The following PCDH7 variants were observed in gnomAD, a reference collection of about 807,000 sequenced individuals.
PCDH7 encodes protocadherin 7, also known as protocadherin-7.
In PCDH7, 17 loss-of-function variants were observed where a neutral mutation model predicts 58.9. That is an observed-to-expected ratio of 0.29 (90% CI 0.20 to 0.43). The LOEUF (loss-of-function observed/expected upper bound fraction) is 0.43. Ranked by LOEUF, PCDH7 falls within the 20% of genes least tolerant of loss-of-function variation. The pLI, the probability that PCDH7 is intolerant of heterozygous loss-of-function variation, is 1.00. For missense variants in PCDH7, 1,274 were observed against 1,441.0 expected, an observed-to-expected ratio of 0.88 and a Z score of 1.88; for synonymous variants, 664 against 616.4, an observed-to-expected ratio of 1.08 and a Z score of -1.14.
At chr4:31,142,920 G>T (rs1720432218) in exon 4 of PCDH7, 2 of 1,166,858 alleles carry the variant, frequency 1.7e-6, no homozygotes, top group Non-Finnish European at 2.2e-6. Flanking sequence ...ACCTTACAAA[G>T]CAAAACGTTT....
At chr4:30,993,870 A>G (rs1751655858) in intron 3 of PCDH7, among the ~76,000 whole-genome samples, 1 of 152,172 alleles carries the variant, frequency 6.6e-6, no homozygotes, top group African/African-American at 2.4e-5. Context: ...AAATGTTTAG[A>G]AGAGAGAGTG....
chr4:30,977,040 A>C (rs1578469588), intron 3 of PCDH7, among the ~76,000 whole-genome samples: 2 of 152,164 alleles, frequency 1.3e-5, no homozygotes, highest in African/African-American at 2.4e-5. Context: ...TAATACATGG[A>C]TGTATTTTAA....
At chr4:31,091,050 T>C (rs1443149601) in intron 3 of PCDH7, among the ~76,000 whole-genome samples, 1 of 152,054 alleles carries the variant, frequency 6.6e-6, no homozygotes, top group East Asian at 1.9e-4. Flanking sequence ...ATTTTCAACA[T>C]TCATTTCTAG....
intron 3 of PCDH7, among the ~76,000 whole-genome samples, chr4:31,102,130 G>T (rs1247808872): frequency 6.6e-6 from 1 of 151,766 alleles, no homozygotes; most frequent in Non-Finnish European, 1.5e-5. Context: ...TACTGTAAAT[G>T]AAAACTAGTA....
chr4:31,102,082 T>C (rs1320946565), intron 3 of PCDH7, among the ~76,000 whole-genome samples: 1 of 152,220 alleles, frequency 6.6e-6, no homozygotes, highest in Non-Finnish European at 1.5e-5. Context: ...GAATAAGATA[T>C]GCAGAATTCT....
Position 30,923,812 on chromosome 4 carries a change from T to C in PCDH7, c.287+3443T>C, listed in dbSNP as rs374149437. Among the ~76,000 whole-genome samples, 18 of 152,298 alleles carry C rather than the reference T, an allele frequency of 1.2e-4. No individual in the cohort carries two copies. The East Asian group carries it at 3.1e-3, about 26-fold the overall frequency. Reference sequence around the variant, plus strand: ...TTTCATGCTAATCTTTTAATATCAATCTAATCAAAGATTGAGGAAATTGGT... The same window carrying C: ...TTTCATGCTAATCTTTTAATATCAACCTAATCAAAGATTGAGGAAATTGGT... On this transcript the variant is annotated intron_variant, in intron 2 of 3. Coordinates refer to the PCDH7 transcript ENST00000509759.
chr4:31,026,225 A>T (rs957196775), intron 3 of PCDH7, among the ~76,000 whole-genome samples: 3 of 152,136 alleles, frequency 2.0e-5, no homozygotes, highest in Non-Finnish European at 4.4e-5. Context: ...AGTTCCTTCC[A>T]ATTTTAGACA....
chr4:30,783,113 C>G (rs1480702926), intron 1 of PCDH7: 2 of 152,134 alleles, frequency 1.3e-5, no homozygotes, highest in Non-Finnish European at 2.9e-5. Context: ...AATTGTCTTT[C>G]TCATAGTCCT....
At chr4:30,802,734 G>C (rs1725685963) in intron 1 of PCDH7, among the ~76,000 whole-genome samples, 1 of 152,094 alleles carries the variant, frequency 6.6e-6, no homozygotes, top group African/African-American at 2.4e-5. Flanking sequence ...GTGGGGATCT[G>C]AGGAGGGTGT....
chr4:31,123,018 A>C, intron 3 of PCDH7, among the ~76,000 whole-genome samples: 1 of 152,122 alleles, frequency 6.6e-6, no homozygotes, highest in East Asian at 1.9e-4. Flanking sequence ...ATTATTTTAT[A>C]ATTATTTTTC....
intron 3 of PCDH7, among the ~76,000 whole-genome samples, chr4:31,110,065 G>C (rs1307256090): frequency 1.3e-5 from 2 of 152,136 alleles, no homozygotes. Flanking sequence ...AGCATTTATG[G>C]CTACCTAGGC....
chr4:31,035,011 G>A (rs1224135920), intron 3 of PCDH7, among the ~76,000 whole-genome samples: 1 of 152,142 alleles, frequency 6.6e-6, no homozygotes, highest in Non-Finnish European at 1.5e-5. Flanking sequence ...GGAGATTAGG[G>A]AATAGAGAAT....
At chr4:31,060,840 G>C (rs985883705) in intron 3 of PCDH7, among the ~76,000 whole-genome samples, 2 of 151,620 alleles carry the variant, frequency 1.3e-5, no homozygotes, top group African/African-American at 4.8e-5. Context: ...ATTATTTATT[G>C]AATGTCAGTT....
chr4:30,744,737 A>C (rs1439074946), intron 1 of PCDH7, among the ~76,000 whole-genome samples: 1 of 152,216 alleles, frequency 6.6e-6, no homozygotes, highest in Non-Finnish European at 1.5e-5. Flanking sequence ...TAGGGCATCA[A>C]CTATTCTCAC....
chr4:31,113,695 T>C (rs1261514614), intron 3 of PCDH7, among the ~76,000 whole-genome samples: 2 of 152,142 alleles, frequency 1.3e-5, no homozygotes, highest in Non-Finnish European at 2.9e-5. Flanking sequence ...CAAAGCATTT[T>C]ACCTATTGAG....
chr4:30,785,008 A>G (rs888192325), intron 1 of PCDH7, among the ~76,000 whole-genome samples: 1 of 151,994 alleles, frequency 6.6e-6, no homozygotes, highest in Non-Finnish European at 1.5e-5. Flanking sequence ...CATTAATCCA[A>G]TTTTCAGGGC....
intron 3 of PCDH7, among the ~76,000 whole-genome samples, chr4:30,976,399 C>T (rs1296811080): frequency 8.8e-6 from 1 of 113,510 alleles, no homozygotes; most frequent in Non-Finnish European, 1.7e-5. Flanking sequence ...CCATAAAATA[C>T]TTTTTTTTTT....
At chr4:30,728,292 TATATAGAGAG>T (rs1164345491) in intron 1 of PCDH7, among the ~76,000 whole-genome samples, 2 of 99,114 alleles carry the variant, frequency 2.0e-5, no homozygotes, top group Admixed American at 1.2e-4. Context: ...TATATATATA[TATATAGAGAG>T]AGAGAGAGAG....
intron 1 of PCDH7, among the ~76,000 whole-genome samples, chr4:30,866,932 A>G (rs765080053): frequency 1.4e-4 from 21 of 152,210 alleles, no homozygotes; most frequent in Middle Eastern, 3.4e-3. Flanking sequence ...GTTTCCCCCC[A>G]GAACACAGAG....
Sources: allele counts gnomAD v4.1 joint callset (sites outside exome capture counted in the v4.1 genomes callset), GRCh38; gene constraint gnomAD v4.1.1; transcripts MANE v1.5; gene names NCBI Gene and HGNC (gene_info 2026-07-23, HGNC 2026-07-21).